The following CASZ1 variants were observed in gnomAD, a reference collection of about 807,000 sequenced individuals.
CASZ1 encodes castor zinc finger 1, also known as zinc finger protein castor homolog 1.
Under a neutral mutation model 135.2 loss-of-function variants are expected in CASZ1, and 28 were observed. That is an observed-to-expected ratio of 0.21 (90% confidence interval 0.15 to 0.28). CASZ1 has a LOEUF of 0.28. CASZ1 is among the 10% of genes least tolerant of loss of function. CASZ1 has a pLI of 1.00. For synonymous variants in CASZ1, 1,068 were observed against 1,073.4 expected, an observed-to-expected ratio of 0.99 and a Z score of 0.10; for missense variants, 2,161 against 2,453.3, an observed-to-expected ratio of 0.88 and a Z score of 2.52.
At position 10,657,983 on chromosome 1, in the gene CASZ1, GCTTT is replaced by G. The variant is rs1642864179; in HGVS notation, c.1409+521_1409+524del. Reference sequence around the variant, plus strand: ...GACGACAGCCCACACCTTCTCTCTCGCTTTCTCTCTCTCTTTTTTTTTTTTTTTT... The same window carrying G: ...GACGACAGCCCACACCTTCTCTCTCGCTCTCTCTCTTTTTTTTTTTTTTTT... On this transcript the variant is annotated intron_variant, in intron 7 of 20. Transcript: ENST00000377022. This position sits in a 1 kb window ranked among gnomAD's most constrained non-coding sequence, Gnocchi z 5.7. 2 of 151,460 alleles carry G rather than the reference GCTTT, an allele frequency of 1.3e-5. No homozygotes were observed. The allele number at this position is 151,460 out of a possible 1,614,324, so 9.4% of individuals were successfully genotyped here.
At position 10,694,916 on chromosome 1, in the gene CASZ1, C is replaced by T. The variant is rs1172122471; in HGVS notation, c.-23-1004G>A. ...CGGCGGCCGCGCGCGCGCTCGCATG[C>T]TGCCAGCGGCCGCTCGGGCCCCGCG... On this transcript the variant is annotated intron_variant, in intron 3 of 20. Transcript: ENST00000377022. The surrounding 1 kb of genome is among the most constrained non-coding windows in gnomAD (Gnocchi z 6.6). Among the ~76,000 whole-genome samples the T allele has an allele frequency of 1.4e-5, 2 of 144,030 alleles. No homozygotes were observed. Among genetic ancestry groups the T allele is most frequent in the Non-Finnish European group, 3.1e-5 (2 of 64,900 alleles). 94.5% of individuals were successfully genotyped at this position (144,030 alleles called of 152,430 possible). A position where few individuals can be genotyped will look rare whatever the true frequency, so the allele number is the denominator to read the frequency against.
At chr1:10,658,228 C>A (rs772455544) in intron 7 of CASZ1, 2 of 444,424 alleles carry the variant, frequency 4.5e-6, no homozygotes, top group Non-Finnish European at 8.3e-6. Flanking sequence ...GGGGGAGCTG[C>A]ACTCACCTGT....
At chr1:10,795,747 C>T (rs966673451) in intron 1 of CASZ1, among the ~76,000 whole-genome samples, 21 of 145,878 alleles carry the variant, frequency 1.4e-4, no homozygotes, top group Admixed American at 1.4e-3. Flanking sequence ...CGCCACTTGC[C>T]GCGCCTGGAG....
chr1:10,738,315 C>T (rs1038808589), intron 2 of CASZ1, among the ~76,000 whole-genome samples: 9 of 152,226 alleles, frequency 5.9e-5, no homozygotes, highest in South Asian at 2.1e-4. Flanking sequence ...AGTCCCGGGA[C>T]GCTGACGCGG....
intron 4 of CASZ1, 87 bp downstream of exon 4, chr1:10,693,787 C>A: frequency 8.0e-7 from 1 of 1,250,082 alleles, no homozygotes; most frequent in Non-Finnish European, 1.2e-6. Flanking sequence ...GCCCCGCCGC[C>A]ACCTCATTGG....
rs1219687188 is a variant in CASZ1, at chr1:10,700,040, G to GAGAGAGAGAAAGAGAGAC, written c.-24+5434_-24+5451dup. Among the ~76,000 whole-genome samples the GAGAGAGAGAAAGAGAGAC allele has an allele frequency of 2.7e-5, 4 of 148,302 alleles. No homozygotes were observed. Among genetic ancestry groups the GAGAGAGAGAAAGAGAGAC allele is most frequent in the African/African-American group, 7.8e-5 (3 of 38,444 alleles). ...ACAGAGAAAGAGAGAGAGAGACAGAGAGAGAGAGAAAGAGAGACAGAGAGA... is the reference window on the plus strand; with the variant it reads ...ACAGAGAAAGAGAGAGAGAGACAGAGAGAGAGAGAAAGAGAGACAGAGAGAGAAAGAGAGACAGAGAGA... On this transcript the variant is annotated intron_variant, in intron 3 of 20. Transcript: ENST00000377022. This position sits in a 1 kb window ranked among gnomAD's most constrained non-coding sequence, Gnocchi z 4.2.
chr1:10,734,916 G>C (rs1480615952), intron 2 of CASZ1, among the ~76,000 whole-genome samples: 1 of 152,112 alleles, frequency 6.6e-6, no homozygotes, highest in Admixed American at 6.5e-5. Context: ...CTGGAGAGAA[G>C]AGGGTGGGAG....
At chr1:10,736,065 G>A (rs144616547) in intron 2 of CASZ1, among the ~76,000 whole-genome samples, 337 of 152,228 alleles carry the variant, frequency 2.2e-3, no homozygotes, top group Non-Finnish European at 3.9e-3. Context: ...AGTCATGAAC[G>A]ATGTCCCAGT....
At chr1:10,690,924 G>C (rs879473558) in intron 4 of CASZ1, among the ~76,000 whole-genome samples, 1 of 152,136 alleles carries the variant, frequency 6.6e-6, no homozygotes, top group African/African-American at 2.4e-5. Flanking sequence ...AATCAGCCTG[G>C]TGGGACCTAA....
intron 4 of CASZ1, among the ~76,000 whole-genome samples, chr1:10,687,018 G>A (rs1470005542): frequency 6.6e-6 from 1 of 152,186 alleles, no homozygotes; most frequent in Non-Finnish European, 1.5e-5. Flanking sequence ...AGAGGGCGGT[G>A]AGGATCACAG....
intron 1 of CASZ1, among the ~76,000 whole-genome samples, chr1:10,792,786 A>G (rs1230211721): frequency 6.6e-6 from 1 of 151,616 alleles, no homozygotes; most frequent in Admixed American, 6.6e-5. Context: ...CATACCAGAC[A>G]GAGGTTATCG....
chr1:10,689,002 G>A (rs1638681515), intron 4 of CASZ1, among the ~76,000 whole-genome samples: 2 of 152,222 alleles, frequency 1.3e-5, no homozygotes, highest in South Asian at 4.1e-4. Flanking sequence ...GGAGGAAAAG[G>A]AGGAAGAGGT....
At position 10,741,263 on chromosome 1, in the gene CASZ1, G is replaced by A. The variant is rs549287034; in HGVS notation, c.-77+19438C>T. The stretch of plus-strand genomic sequence containing the variant: ...TTCCCAAAGTGTTGGGATTACAGGC[G>A]TGAGCCACTGCGCCTGGCTCTATAT... On this transcript the variant is annotated intron_variant, in intron 2 of 20. Coordinates refer to ENST00000377022, the MANE Select transcript of CASZ1 (RefSeq NM_001079843.3). This position sits in a 1 kb window ranked among gnomAD's most constrained non-coding sequence, Gnocchi z 5.0. Among the ~76,000 whole-genome samples, 3 of 152,338 alleles carry A rather than the reference G, an allele frequency of 2.0e-5. No homozygotes were observed. Among genetic ancestry groups the A allele is most frequent in the Non-Finnish European group, 2.9e-5 (2 of 68,040 alleles).
chr1:10,697,750 T>C lies in CASZ1; in HGVS notation c.-23-3838A>G, dbSNP rs1638966680. Among the ~76,000 whole-genome samples, 1 of 152,214 alleles carries C rather than the reference T, an allele frequency of 6.6e-6. No homozygotes were observed. The highest frequency in any genetic ancestry group is 2.4e-5 in the African/African-American group (1 of 41,448). ...TAAACTTGAACAAAGCTCCTTTTGT[T>C]ATTGCACCCCACCCCAGGATCCCAA... is the stretch of plus-strand genomic sequence containing the variant. On this transcript the variant is annotated intron_variant, in intron 3 of 20. Coordinates refer to ENST00000377022, the MANE Select transcript of CASZ1 (RefSeq NM_001079843.3). This position sits in a 1 kb window ranked among gnomAD's most constrained non-coding sequence, Gnocchi z 4.7.
intron 2 of CASZ1, among the ~76,000 whole-genome samples, chr1:10,746,862 C>A (rs1321896416): frequency 6.6e-6 from 1 of 152,242 alleles, no homozygotes; most frequent in African/African-American, 2.4e-5. Context: ...AGCCCTGGCT[C>A]CTGGGCCATG....
rs1239399933 is a variant in CASZ1, at chr1:10,719,137, C to T, written c.-76-13593G>A. Among the ~76,000 whole-genome samples, 3 of 152,110 alleles carry T rather than the reference C, an allele frequency of 2.0e-5. No homozygotes were observed. The highest frequency in any genetic ancestry group is 1.3e-4 in the Admixed American group (2 of 15,274). On this transcript the variant is annotated intron_variant, in intron 2 of 20. Coordinates refer to ENST00000377022, the MANE Select transcript of CASZ1 (RefSeq NM_001079843.3). The surrounding 1 kb of genome is among the most constrained non-coding windows in gnomAD (Gnocchi z 4.0). Reference sequence around the variant, plus strand: ...CCAACCATGTTGGCCAGACTAGTCTCGAACTCCTGACCTCAAGCAATCTGC... The same window carrying T: ...CCAACCATGTTGGCCAGACTAGTCTTGAACTCCTGACCTCAAGCAATCTGC...
At chr1:10,693,646 T>C (rs1638836480) in intron 4 of CASZ1, among the ~76,000 whole-genome samples, 1 of 151,550 alleles carries the variant, frequency 6.6e-6, no homozygotes, top group Non-Finnish European at 1.5e-5. Context: ...GGTTCTTTCA[T>C]AATGACAAGC....
rs1642121627 is a variant in CASZ1, at chr1:10,639,436, C to T, written c.4786G>A (p.Glu1596Lys). The T allele has an allele frequency of 2.5e-6, 4 of 1,581,722 alleles. No individual in the cohort carries two copies. Among genetic ancestry groups the T allele is most frequent in the Admixed American group, 1.8e-5 (1 of 54,386 alleles). ...GCGGGCTCGCCGCGCTCCTGCTTCT[C>T]GTGCTTGCGCTTGTGCGAGTCCATC... ...SQMDSHKRKH[E>K]KQERGEPAAE... The change falls in exon 21 of 21, where the codon GAG becomes AAG. Residue 1596 changes from glutamate to lysine, a missense_variant. Coordinates refer to ENST00000377022, the MANE Select transcript of CASZ1 (RefSeq NM_001079843.3). The surrounding 1 kb of genome is among the most constrained non-coding windows in gnomAD (Gnocchi z 4.0).
At chr1:10,789,417 C>T (rs1026148144) in intron 1 of CASZ1, among the ~76,000 whole-genome samples, 2 of 151,178 alleles carry the variant, frequency 1.3e-5, no homozygotes, top group Non-Finnish European at 3.0e-5. Flanking sequence ...AGACTCCTCT[C>T]ACCTTGAGAA....
Sources: allele counts gnomAD v4.1 joint callset (sites outside exome capture counted in the v4.1 genomes callset), GRCh38; gene constraint gnomAD v4.1.1; non-coding constraint Gnocchi (gnomAD v3.1); transcripts MANE v1.5; gene names NCBI Gene and HGNC (gene_info 2026-07-23, HGNC 2026-07-21).